Variants in FAM135A observed in about 807,000 individuals in gnomAD.
FAM135A encodes the protein family with sequence similarity 135 member A, also known as protein FAM135A.
FAM135A carries 79 observed loss-of-function variants against 146.8 expected under a neutral mutation model. The observed-to-expected ratio is 0.54, with a 90% CI of 0.45 to 0.65. The LOEUF is 0.65. Among genes scored for constraint, FAM135A ranks in the 30% least tolerant of loss-of-function variants. The pLI is 0.00. For synonymous variants in FAM135A, 562 were observed against 603.6 expected (o/e 0.93, Z 1.01); for missense variants, 1,623 against 1,758.2 (o/e 0.92, Z 1.38).
chr6:70,427,481 G>A (rs539861930), intron 3 of FAM135A, among the ~76,000 whole-genome samples: 132 of 150,852 alleles, frequency 8.8e-4, no homozygotes, highest in Admixed American at 6.6e-4. Context: ...GCAGTGAGCC[G>A]AGAGCGCGCC....
intron 4 of FAM135A, among the ~76,000 whole-genome samples, chr6:70,432,654 G>C (rs1771942821): frequency 6.6e-6 from 1 of 152,060 alleles, no homozygotes. Flanking sequence ...CAGAAGAATA[G>C]ATTGCTTTGC....
chr6:70,465,610 A>C (rs1256051056), intron 5 of FAM135A, among the ~76,000 whole-genome samples: 1 of 151,818 alleles, frequency 6.6e-6, no homozygotes, highest in African/African-American at 2.4e-5. Context: ...GAACTCCTGG[A>C]CTCAACTGTT....
chr6:70,518,828 T>C (rs1343223468), intron 12 of FAM135A, among the ~76,000 whole-genome samples: 1 of 152,212 alleles, frequency 6.6e-6, no homozygotes, highest in Admixed American at 6.5e-5. Flanking sequence ...ATATTATTGC[T>C]CATTAATATT....
At chr6:70,516,577 C>G (rs562805944) in intron 12 of FAM135A, among the ~76,000 whole-genome samples, 13 of 143,796 alleles carry the variant, frequency 9.0e-5, no homozygotes, top group Non-Finnish European at 2.0e-4. Context: ...GCTCTGTCAC[C>G]CAGGCTGGAG....
At chr6:70,438,416 C>A (rs1773706745) in intron 4 of FAM135A, among the ~76,000 whole-genome samples, 1 of 152,182 alleles carries the variant, frequency 6.6e-6, no homozygotes, top group African/African-American at 2.4e-5. Context: ...TTAAATTGCA[C>A]ACCATTCTGA....
chr6:70,488,454 A>G (rs887421277), intron 10 of FAM135A, among the ~76,000 whole-genome samples: 1 of 99,742 alleles, frequency 1.0e-5, no homozygotes, highest in African/African-American at 3.7e-5. Flanking sequence ...TGGATTAGTA[A>G]TAAGAGCCAA....
intron 18 of FAM135A, among the ~76,000 whole-genome samples, chr6:70,534,454 G>A (rs140021288): frequency 2.0e-5 from 3 of 151,124 alleles, no homozygotes; most frequent in African/African-American, 7.3e-5. Context: ...CAAGTAGCTG[G>A]GATTACAGGC....
intron 4 of FAM135A, among the ~76,000 whole-genome samples, chr6:70,439,140 G>C (rs940323320): frequency 6.6e-6 from 1 of 152,122 alleles, no homozygotes; most frequent in Non-Finnish European, 1.5e-5. Context: ...CACCAGCCTA[G>C]CCTGGATGAC....
chr6:70,556,422 T>G (rs1800836150), intron 20 of FAM135A, among the ~76,000 whole-genome samples: 1 of 152,316 alleles, frequency 6.6e-6, no homozygotes, highest in Non-Finnish European at 1.5e-5. Flanking sequence ...GATGAATACC[T>G]TTTGGAAGGT....
intron 20 of FAM135A, among the ~76,000 whole-genome samples, chr6:70,551,866 T>G (rs1799890713): frequency 6.6e-6 from 1 of 152,192 alleles, no homozygotes; most frequent in African/African-American, 2.4e-5. Context: ...CAAAGATCAC[T>G]GATCACAGAT....
chr6:70,425,748 C>T (rs1184717341), intron 2 of FAM135A, among the ~76,000 whole-genome samples: 1 of 152,204 alleles, frequency 6.6e-6, no homozygotes, highest in African/African-American at 2.4e-5. Flanking sequence ...TACATGCACA[C>T]ACATACATAT....
chr6:70,528,222 C>T (rs1375469613), intron 15 of FAM135A, 70 bp from the exon 16 acceptor site: 2 of 1,424,204 alleles, frequency 1.4e-6, no homozygotes, highest in African/African-American at 2.9e-5. Context: ...CTACAATTCT[C>T]TAAATTCAGG....
intron 5 of FAM135A, 99 bp from the exon 6 acceptor site, chr6:70,475,311 G>GTA: frequency 2.1e-6 from 2 of 967,066 alleles, no homozygotes; most frequent in Non-Finnish European, 3.0e-6. Flanking sequence ...TGACACTATA[G>GTA]TAATATAATC....
At chr6:70,421,032 C>T (rs1768704495) in intron 2 of FAM135A, among the ~76,000 whole-genome samples, 1 of 152,104 alleles carries the variant, frequency 6.6e-6, no homozygotes, top group Admixed American at 6.5e-5. Flanking sequence ...CAAGTGTGCA[C>T]TACCACACCC....
At chr6:70,557,694 C>CAAAAAAAAAAAAAAAAAAAAAAAAAAAA in intron 21 of FAM135A, 1 of 58,138 alleles carries the variant, frequency 1.7e-5, no homozygotes, top group Non-Finnish European at 3.1e-5. Context: ...AACTCTGTCT[C>CAAAAAAAAAAAAAAAAAAAAAAAAAAAA]AAAAAAAAAA....
intron 1 of FAM135A, 135 bp downstream of exon 1, chr6:70,413,837 C>G: frequency 1.0e-6 from 1 of 985,530 alleles, no homozygotes; most frequent in Non-Finnish European, 1.2e-6. Context: ...GGCCCCTCAC[C>G]CGACTGCTGG....
chr6:70,438,244 T>C (rs1381176929), intron 4 of FAM135A, among the ~76,000 whole-genome samples: 3 of 152,186 alleles, frequency 2.0e-5, no homozygotes, highest in Admixed American at 1.3e-4. Context: ...TTTCTGTTCA[T>C]AAAAGACATC....
intron 5 of FAM135A, among the ~76,000 whole-genome samples, chr6:70,469,647 C>T (rs2128131879): frequency 6.6e-6 from 1 of 152,168 alleles, no homozygotes; most frequent in East Asian, 1.9e-4. Flanking sequence ...TAAAACCTAG[C>T]CAGTCTGGCT....
intron 5 of FAM135A, among the ~76,000 whole-genome samples, chr6:70,464,207 A>T (rs1779941472): frequency 6.6e-6 from 1 of 152,244 alleles, no homozygotes; most frequent in South Asian, 2.1e-4. Context: ...AATATAAATT[A>T]TCATGATTGA....
Sources: gnomAD v4.1 joint callset for allele counts (sites outside exome capture counted in the v4.1 genomes callset) on GRCh38, gnomAD v4.1.1 for gene constraint, MANE v1.5 for transcripts, NCBI Gene and HGNC (gene_info 2026-07-23, HGNC 2026-07-21) for gene names.